Variants in EIF5B observed in about 807,000 individuals in gnomAD.
EIF5B encodes the protein eIF-5B.
EIF5B carries 47 observed loss-of-function variants against 147.5 expected under a neutral mutation model. The observed-to-expected ratio is 0.32, with a 90% CI of 0.25 to 0.41. The LOEUF (loss-of-function observed/expected upper bound fraction) is 0.41. EIF5B is among the 10% of genes least tolerant of loss of function. The pLI is 1.00. For synonymous variants in EIF5B, 455 were observed against 456.2 expected, an observed-to-expected ratio of 1.00 and a Z score of 0.03; for missense variants, 1,064 against 1,413.2, an observed-to-expected ratio of 0.75 and a Z score of 3.96.
chr2:99,344,209 C>T lies in EIF5B; in HGVS notation c.35+6620C>T, dbSNP rs193154521. On this transcript the variant is annotated intron_variant, in intron 1 of 23. Coordinates refer to ENST00000289371, the MANE Select transcript of EIF5B (RefSeq NM_015904.4). ...TGCTGGGATTATAGGCGTGAGCCACCGCACCCGGCCTGCATTCTTTTATAT... is the reference window on the plus strand; with the variant it reads ...TGCTGGGATTATAGGCGTGAGCCACTGCACCCGGCCTGCATTCTTTTATAT... 3.5e-4 allele frequency among the ~76,000 whole-genome samples: 53 copies of T among 152,210 alleles called. 1 individual carries two copies. The highest frequency in any genetic ancestry group is 1.1e-3 in the African/African-American group (46 of 41,552).
At chr2:99,364,171 T>C in intron 5 of EIF5B, 100 bp from the exon 6 acceptor site, 1 of 1,436,068 alleles carries the variant, frequency 7.0e-7, no homozygotes, top group South Asian at 1.5e-5. Flanking sequence ...ATACTTTGCA[T>C]GTGTCTCAAG....
intron 9 of EIF5B, among the ~76,000 whole-genome samples, chr2:99,374,942 T>C (rs1674531636): frequency 6.6e-6 from 1 of 152,174 alleles, no homozygotes; most frequent in African/African-American, 2.4e-5. Flanking sequence ...ATTGCTTCTC[T>C]TGACTGTCTT....
At position 99,364,391 on chromosome 2, in the gene EIF5B, G is replaced by A. The variant is rs776369031; in HGVS notation, c.1258G>A (p.Glu420Lys). 1.6e-5 allele frequency: 26 copies of A among 1,607,528 alleles called. No homozygotes were observed. The highest frequency in any genetic ancestry group is 2.0e-5 in the Non-Finnish European group (24 of 1,178,390). Reference sequence around the variant, plus strand: ...CCAGAGAGAAGCCAGAGCCAGAGCCGAAGCTACTCTTAAACTGCTACAAGC... The same window carrying A: ...CCAGAGAGAAGCCAGAGCCAGAGCCAAAGCTACTCTTAAACTGCTACAAGC... ...KSQREARARA[E>K]ATLKLLQAQG... Residue 420 changes from glutamate to lysine, a missense_variant, in exon 6 of 24, where the codon GAA becomes AAA. By Grantham distance (56) the Glu-to-Lys change is moderately conservative. Around this residue, in one of 4 missense-constraint regions of EIF5B, gnomAD observed 31 missense variants for 60.1 expected, o/e 0.52. Coordinates refer to ENST00000289371, the MANE Select transcript of EIF5B (RefSeq NM_015904.4).
chr2:99,369,085 C>G (rs1674386793), intron 7 of EIF5B, among the ~76,000 whole-genome samples: 1 of 152,086 alleles, frequency 6.6e-6, no homozygotes, highest in South Asian at 2.1e-4. Flanking sequence ...CCAGCCTGGC[C>G]AACATGATGA....
intron 1 of EIF5B, among the ~76,000 whole-genome samples, chr2:99,356,448 TTCTC>T (rs1405457271): frequency 1.3e-5 from 2 of 152,208 alleles, no homozygotes; most frequent in African/African-American, 2.4e-5. Flanking sequence ...ACTTAATCAT[TTCTC>T]TCTAATAGTA....
At chr2:99,359,792 C>T (rs1356422262) in intron 1 of EIF5B, among the ~76,000 whole-genome samples, 1 of 152,158 alleles carries the variant, frequency 6.6e-6, no homozygotes, top group Non-Finnish European at 1.5e-5. Context: ...TGACTGATCT[C>T]TAAACTTCCT....
At chr2:99,378,948 A>T in intron 10 of EIF5B, 71 bp from the exon 11 acceptor site, 1 of 1,254,940 alleles carries the variant, frequency 8.0e-7, no homozygotes, top group East Asian at 2.6e-5. Context: ...GCCAAGGCAA[A>T]ACAGAAAATA....
intron 1 of EIF5B, among the ~76,000 whole-genome samples, chr2:99,354,864 G>T (rs1478077694): frequency 3.6e-5 from 5 of 140,274 alleles, no homozygotes; most frequent in African/African-American, 1.3e-4. Context: ...GTGCAGTGGT[G>T]CTATCTCAGC....
chr2:99,390,717 T>C lies in EIF5B; in HGVS notation c.2748+12T>C, dbSNP rs1425337967. The C allele has an allele frequency of 1.3e-6, 2 of 1,593,318 alleles. No homozygotes were observed. Among genetic ancestry groups the C allele is most frequent in the African/African-American group, 2.7e-5 (2 of 74,516 alleles). ...AATTACGAGTGAAGGTATGCTGAGG[T>C]GGGAAGCATTGACACGTGGGGACTT... On this transcript the variant is annotated intron_variant, in intron 17 of 23. Transcript: ENST00000289371.
chr2:99,368,778 G>T (rs559896473), intron 7 of EIF5B, among the ~76,000 whole-genome samples, 187 bp downstream of exon 7: 1 of 152,252 alleles, frequency 6.6e-6, no homozygotes, highest in Non-Finnish European at 1.5e-5. Flanking sequence ...AATGGAAAAA[G>T]TATTTTACTT....
At chr2:99,356,074 G>A (rs1264757492) in intron 1 of EIF5B, among the ~76,000 whole-genome samples, 1 of 152,170 alleles carries the variant, frequency 6.6e-6, no homozygotes, top group Non-Finnish European at 1.5e-5. Flanking sequence ...TAAGCGAAGT[G>A]CATACTTTGT....
At chr2:99,376,782 C>G in intron 10 of EIF5B, 146 bp downstream of exon 10, 1 of 1,345,068 alleles carries the variant, frequency 7.4e-7, no homozygotes, top group Non-Finnish European at 9.6e-7. Context: ...TGAAATATTA[C>G]TGGCCTTTGA....
chr2:99,377,020 T>C (rs915783545), intron 10 of EIF5B, among the ~76,000 whole-genome samples: 12 of 152,192 alleles, frequency 7.9e-5, no homozygotes, highest in Non-Finnish European at 7.3e-5. Context: ...ACTATAGTTA[T>C]ATAAATCTGG....
At chr2:99,397,767 G>A (rs1172723206) in intron 22 of EIF5B, 1 of 152,080 alleles carries the variant, frequency 6.6e-6, no homozygotes, top group East Asian at 1.9e-4. Context: ...TGGATATCCT[G>A]TTTCTCAACA....
At chr2:99,360,146 C>G in intron 1 of EIF5B, 90 bp from the exon 2 acceptor site, 1 of 1,427,872 alleles carries the variant, frequency 7.0e-7, no homozygotes, top group Non-Finnish European at 9.3e-7. Flanking sequence ...GCTGCTAATG[C>G]ATGAAAAAGG....
chr2:99,344,127 G>A (rs903008867), intron 1 of EIF5B, among the ~76,000 whole-genome samples: 1 of 151,958 alleles, frequency 6.6e-6, no homozygotes, highest in African/African-American at 2.4e-5. Flanking sequence ...CACCATGTTA[G>A]CCAGGATGGG....
intron 12 of EIF5B, among the ~76,000 whole-genome samples, chr2:99,379,912 T>C (rs975510333): frequency 8.5e-5 from 13 of 152,216 alleles, no homozygotes; most frequent in African/African-American, 3.1e-4. Context: ...GTCACCTTTG[T>C]TGAGCAATAT....
In EIF5B at chr2:99,355,054, C is replaced by T. The variant is rs1276731403; in HGVS notation, c.36-5182C>T. Among the ~76,000 whole-genome samples the T allele has an allele frequency of 2.6e-5, 4 of 152,060 alleles. No homozygotes were observed. The East Asian group carries it at 7.7e-4, about 29-fold the overall frequency. The stretch of plus-strand genomic sequence containing the variant: ...CTGACCTCAAGTGATCCACCTGCCT[C>T]GGCCTCCCAAAGTGTTGGGATTACA... On this transcript the variant is annotated intron_variant, in intron 1 of 23. Transcript: ENST00000289371.
At chr2:99,359,798 T>G (rs1013310515) in intron 1 of EIF5B, among the ~76,000 whole-genome samples, 3 of 152,224 alleles carry the variant, frequency 2.0e-5, no homozygotes, top group African/African-American at 7.2e-5. Flanking sequence ...ATCTCTAAAC[T>G]TCCTTCCAAC....
Sources: gnomAD v4.1 joint callset for allele counts (sites outside exome capture counted in the v4.1 genomes callset) on GRCh38, gnomAD v4.1.1 for gene constraint, gnomAD v4.1.1 regional missense constraint, MANE v1.5 for transcripts, NCBI Gene and HGNC (gene_info 2026-07-23, HGNC 2026-07-21) for gene names.